SNX6: variants seen among roughly 807,000 people sequenced by gnomAD.
SNX6 encodes the protein sorting nexin 6.
Under a neutral mutation model 63.0 loss-of-function variants are expected in SNX6, and 34 were observed. The ratio of observed to expected loss-of-function variants is 0.54; its 90% confidence interval spans 0.41 to 0.72. The LOEUF is 0.72. SNX6 is among the 30% of genes least tolerant of loss of function. The pLI is 0.00. For synonymous variants in SNX6, 170 were observed against 164.2 expected, an observed-to-expected ratio of 1.04 and a Z score of -0.27; for missense variants, 398 against 471.4, an observed-to-expected ratio of 0.84 and a Z score of 1.44.
intron 13 of SNX6, 119 bp downstream of exon 13, chr14:34,567,567 C>G: frequency 1.3e-6 from 1 of 765,146 alleles, no homozygotes; most frequent in Non-Finnish European, 2.1e-6. Context: ...AATTCCAGTT[C>G]AGGAATAGTT....
Position 34,587,380 on chromosome 14 carries a change from A to C in SNX6, c.719-1075T>G, listed in dbSNP as rs750161041. Among the ~76,000 whole-genome samples the C allele has an allele frequency of 5.3e-5, 8 of 151,748 alleles. No homozygotes were observed. The Middle Eastern group carries it at 0.01, about 194-fold the overall frequency. ...ACCCCATCTCTACTAAAAATACAAA[A>C]GAATTAGCCGAGTGTGGTGGCAGGC... On this transcript the variant is annotated intron_variant, in intron 8 of 13. Coordinates refer to ENST00000362031, the MANE Select transcript of SNX6 (RefSeq NM_152233.4).
rs1016049587 is a variant in SNX6, at chr14:34,579,836, A to G, written c.834+1725T>C. On this transcript the variant is annotated intron_variant, in intron 10 of 13. Coordinates refer to ENST00000362031, the MANE Select transcript of SNX6 (RefSeq NM_152233.4). Reference sequence around the variant, plus strand: ...GACCCTGTCTCTACCAAAAAAAAAAAAAAGAAAGAAAAATAATACATGTTG... The same window carrying G: ...GACCCTGTCTCTACCAAAAAAAAAAGAAAGAAAGAAAAATAATACATGTTG... Among the ~76,000 whole-genome samples, 4 of 151,778 alleles carry G rather than the reference A, an allele frequency of 2.6e-5. No homozygotes were observed. In the East Asian group the frequency reaches 5.8e-4, roughly 22 times the overall value.
At chr14:34,575,928 TTG>T in intron 10 of SNX6, 86 bp from the exon 11 acceptor site, 4 of 765,256 alleles carry the variant, frequency 5.2e-6, no homozygotes, top group Admixed American at 3.1e-5. Flanking sequence ...TGTTGTTTTT[TTG>T]TTTTTTTTTT....
intron 7 of SNX6, among the ~76,000 whole-genome samples, chr14:34,595,947 C>T (rs1291557623): frequency 6.6e-6 from 1 of 152,114 alleles, no homozygotes; most frequent in Non-Finnish European, 1.5e-5. Context: ...CGGCCGGGCG[C>T]GGTGGCTCAC....
chr14:34,602,699 G>C (rs1431282562), intron 6 of SNX6, among the ~76,000 whole-genome samples: 2 of 151,974 alleles, frequency 1.3e-5, no homozygotes, highest in African/African-American at 4.8e-5. Flanking sequence ...ACTTGGGGCC[G>C]GGCACGGTGG....
intron 2 of SNX6, 39 bp downstream of exon 2, chr14:34,629,868 G>A: frequency 6.4e-7 from 1 of 1,550,786 alleles, no homozygotes; most frequent in Non-Finnish European, 8.7e-7. Context: ...GGGGAAGGAG[G>A]GTCCAGGGTC....
intron 8 of SNX6, among the ~76,000 whole-genome samples, chr14:34,592,402 C>A (rs564745644): frequency 1.3e-5 from 2 of 152,066 alleles, no homozygotes; most frequent in South Asian, 4.1e-4. Context: ...AAAAAAAGAG[C>A]AAGTGCATGG....
At chr14:34,588,332 G>A (rs917225366) in intron 8 of SNX6, among the ~76,000 whole-genome samples, 15 of 151,772 alleles carry the variant, frequency 9.9e-5, no homozygotes, top group South Asian at 2.1e-4. Flanking sequence ...TCATGTGGGC[G>A]AGGCTGACCT....
At chr14:34,613,429 G>A (rs552481074) in intron 2 of SNX6, among the ~76,000 whole-genome samples, 24 of 152,308 alleles carry the variant, frequency 1.6e-4, no homozygotes, top group African/African-American at 5.5e-4. Context: ...CTCCACTTCT[G>A]AGGTTTTCAT....
chr14:34,627,310 G>A lies in SNX6; in HGVS notation c.54+2597C>T, dbSNP rs185197253. On this transcript the variant is annotated intron_variant, in intron 2 of 13. Coordinates refer to ENST00000362031, the MANE Select transcript of SNX6 (RefSeq NM_152233.4). Reference sequence around the variant, plus strand: ...AAATACAAAAAAATTAGCCAGGTGCGGTGGCGGGCGCCTGTAGTCCCAGCT... The same window carrying A: ...AAATACAAAAAAATTAGCCAGGTGCAGTGGCGGGCGCCTGTAGTCCCAGCT... Among the ~76,000 whole-genome samples the A allele has an allele frequency of 8.0e-3, 1,222 of 152,286 alleles. 13 individuals are homozygous for A. The highest frequency in any genetic ancestry group is 0.028 in the African/African-American group (1,167 of 41,554).
At chr14:34,568,116 T>C (rs1479605019) in intron 11 of SNX6, 103 bp from the exon 12 acceptor site, 19 of 929,592 alleles carry the variant, frequency 2.0e-5, no homozygotes, top group East Asian at 7.5e-5. Flanking sequence ...AGCTAACACA[T>C]AGTGAATACT....
chr14:34,580,340 T>C (rs1432766565), intron 10 of SNX6, among the ~76,000 whole-genome samples: 1 of 152,206 alleles, frequency 6.6e-6, no homozygotes, highest in Non-Finnish European at 1.5e-5. Flanking sequence ...AGGGTCTCTG[T>C]CACCCAGGCT....
intron 13 of SNX6, among the ~76,000 whole-genome samples, chr14:34,564,678 A>T (rs953048802): frequency 2.0e-5 from 3 of 151,898 alleles, no homozygotes; most frequent in Non-Finnish European, 4.4e-5. Context: ...AAATACAAAA[A>T]TTAGCTGGGC....
intron 2 of SNX6, among the ~76,000 whole-genome samples, chr14:34,621,637 C>T (rs573463461): frequency 2.0e-5 from 3 of 152,302 alleles, no homozygotes; most frequent in African/African-American, 7.2e-5. Flanking sequence ...ATCCAACATA[C>T]GTGGAACCAG....
chr14:34,622,883 A>C (rs1883679310), intron 2 of SNX6, among the ~76,000 whole-genome samples: 1 of 152,226 alleles, frequency 6.6e-6, no homozygotes, highest in Non-Finnish European at 1.5e-5. Flanking sequence ...TAGGAATAAC[A>C]GTAGGTGTAT....
intron 11 of SNX6, among the ~76,000 whole-genome samples, chr14:34,570,711 G>A (rs1881409247): frequency 1.4e-5 from 2 of 140,466 alleles, no homozygotes; most frequent in Admixed American, 7.7e-5. Flanking sequence ...GTGAGCCACC[G>A]CACCTGGCCT....
chr14:34,606,375 G>T (rs934401044), intron 4 of SNX6, among the ~76,000 whole-genome samples: 13 of 151,126 alleles, frequency 8.6e-5, no homozygotes, highest in African/African-American at 3.2e-4. Flanking sequence ...CCCACTTCAG[G>T]CTCCTAAAGT....
chr14:34,586,293 T>C lies in SNX6; in HGVS notation c.731A>G (p.Asp244Gly), dbSNP rs1882154808. ...MTRSHKSAADDYNRIGSSLYA... is the reference protein window; with the variant it reads ...MTRSHKSAADGYNRIGSSLYA... ...TAATGAAGAACCAATTCTATTGTAATCATCTGCAGCACCTATGGAGAAAGT... is the reference window on the plus strand; with the variant it reads ...TAATGAAGAACCAATTCTATTGTAACCATCTGCAGCACCTATGGAGAAAGT... The change falls in exon 9 of 14, where the codon GAT becomes GGT. Residue 244 changes from aspartate (D) to glycine (G), a missense_variant. Transcript: ENST00000362031. 3.7e-6 allele frequency: 6 copies of C among 1,606,904 alleles called. No individual in the cohort carries two copies. Among genetic ancestry groups the C allele is most frequent in the Non-Finnish European group, 5.1e-6 (6 of 1,173,812 alleles).
rs150209037 is a variant in SNX6, at chr14:34,576,761, G to A, written c.835-919C>T. Among the ~76,000 whole-genome samples the A allele has an allele frequency of 1.4e-3, 205 of 151,738 alleles. 3 individuals carry two copies. In the East Asian group the frequency reaches 0.037, roughly 27 times the overall value. ...ACCATGCCCAGTCAGACTCTATAATGAGTTTCAATATGATCTTTTACCTTC... is the reference window on the plus strand; with the variant it reads ...ACCATGCCCAGTCAGACTCTATAATAAGTTTCAATATGATCTTTTACCTTC... On this transcript the variant is annotated intron_variant, in intron 10 of 13. Coordinates refer to ENST00000362031, the MANE Select transcript of SNX6 (RefSeq NM_152233.4).
Sources: allele counts gnomAD v4.1 joint callset (sites outside exome capture counted in the v4.1 genomes callset), GRCh38; gene constraint gnomAD v4.1.1; transcripts MANE v1.5; gene names NCBI Gene and HGNC (gene_info 2026-07-23, HGNC 2026-07-21).